PROM1: variants seen among roughly 807,000 people sequenced by gnomAD.
PROM1 encodes the protein prominin 1, also known as prominin-1.
A neutral mutation model predicts 116.9 loss-of-function variants in PROM1; 105 were observed. The observed-to-expected ratio is 0.90, with a 90% CI of 0.77 to 1.06. PROM1 has a LOEUF of 1.06. Ranked by LOEUF, PROM1 falls within the 50% of genes least tolerant of loss-of-function variation. PROM1 has a pLI of 0.00. For missense variants in PROM1, 1,122 were observed against 1,045.2 expected (o/e 1.07, Z -1.01); for synonymous variants, 393 against 387.0 (o/e 1.02, Z -0.18).
At chr4:15,993,516 T>C (rs1045865413) in intron 16 of PROM1, among the ~76,000 whole-genome samples, 2 of 152,160 alleles carry the variant, frequency 1.3e-5, no homozygotes, top group Non-Finnish European at 2.9e-5. Context: ...TTTGCTTTAG[T>C]TCACACTGGA....
intron 2 of PROM1, among the ~76,000 whole-genome samples, chr4:16,066,632 C>A (rs1433548672): frequency 6.6e-6 from 1 of 152,156 alleles, no homozygotes; most frequent in African/African-American, 2.4e-5. Flanking sequence ...TCTGACCTGG[C>A]ACCACCCTGC....
chr4:16,023,741 A>C (rs1222055210), intron 7 of PROM1, among the ~76,000 whole-genome samples: 1 of 152,218 alleles, frequency 6.6e-6, no homozygotes, highest in Non-Finnish European at 1.5e-5. Context: ...TGTTGTGAGC[A>C]TTACGGGATG....
At chr4:16,004,306 C>T (rs1041206882) in intron 13 of PROM1, among the ~76,000 whole-genome samples, 3 of 152,230 alleles carry the variant, frequency 2.0e-5, no homozygotes, top group Admixed American at 6.5e-5. Flanking sequence ...AATCCTATGG[C>T]CTCCATGCCA....
chr4:15,981,163 G>A (rs555470731), intron 23 of PROM1, among the ~76,000 whole-genome samples: 44 of 150,614 alleles, frequency 2.9e-4, no homozygotes, highest in South Asian at 2.5e-3. Flanking sequence ...GGGTTTCACC[G>A]GGTTAGCCAG....
In PROM1 at chr4:15,973,795, C is replaced by T. The variant is rs1243482187; in HGVS notation, c.2583-2713G>A. Among the ~76,000 whole-genome samples the T allele has an allele frequency of 2.6e-5, 4 of 152,102 alleles. No individual in the cohort carries two copies. In the East Asian group the frequency reaches 7.7e-4, roughly 29 times the overall value. On this transcript the variant is annotated intron_variant, in intron 26 of 27. Transcript: ENST00000447510. ...GCCTTTGGGAGAATAGGAGAAATAG[C>T]TCAAATCATAGCTTGGCCCTGGCTA...
intron 1 of PROM1, among the ~76,000 whole-genome samples, chr4:16,078,574 G>C (rs907274882): frequency 1.3e-5 from 2 of 152,188 alleles, no homozygotes; most frequent in African/African-American, 4.8e-5. Context: ...CTTCCTCTCT[G>C]TATTAAGTGT....
At chr4:15,971,286 A>C (rs1714486384) in intron 26 of PROM1, 1 of 543,632 alleles carries the variant, frequency 1.8e-6, no homozygotes, top group Non-Finnish European at 3.3e-6. Context: ...ACAGCATAGA[A>C]GATAAAGAGG....
chr4:16,068,411 T>C (rs1240626970), intron 2 of PROM1, among the ~76,000 whole-genome samples: 1 of 152,216 alleles, frequency 6.6e-6, no homozygotes, highest in Admixed American at 6.5e-5. Flanking sequence ...CCAGTTGCTA[T>C]TGGCATGATA....
At chr4:15,986,409 C>CT (rs369603534) in intron 20 of PROM1, among the ~76,000 whole-genome samples, 78 of 147,434 alleles carry the variant, frequency 5.3e-4, no homozygotes, top group South Asian at 3.7e-3. Flanking sequence ...TTGCACCGAA[C>CT]TTTTTTTTTT....
intron 13 of PROM1, 145 bp downstream of exon 13, chr4:16,006,393 G>A: frequency 1.1e-6 from 1 of 911,930 alleles, no homozygotes; most frequent in Non-Finnish European, 1.6e-6. Context: ...TCCCATCACA[G>A]CAGGATCTCT....
At position 16,061,704 on chromosome 4, in the gene PROM1, T is replaced by C. The variant is rs1055575036; in HGVS notation, c.220+13983A>G. On this transcript the variant is annotated intron_variant, in intron 2 of 27. Transcript: ENST00000447510. Reference sequence around the variant, plus strand: ...ACAAAGTACCACAACGGACTGGCAATGTATTGTCTCACAGTTCTGAAGGCT... The same window carrying C: ...ACAAAGTACCACAACGGACTGGCAACGTATTGTCTCACAGTTCTGAAGGCT... Among the ~76,000 whole-genome samples the C allele has an allele frequency of 7.9e-5, 12 of 152,100 alleles. No homozygotes were observed. The South Asian group carries it at 1.0e-3, about 13-fold the overall frequency.
At chr4:16,040,890 T>C (rs1333239946) in intron 2 of PROM1, among the ~76,000 whole-genome samples, 2 of 152,204 alleles carry the variant, frequency 1.3e-5, no homozygotes, top group Admixed American at 1.3e-4. Context: ...ACTTTTTTTT[T>C]TCCCTTACAA....
At chr4:16,018,682 G>A in intron 8 of PROM1, 142 bp from the exon 9 acceptor site, 3 of 692,054 alleles carry the variant, frequency 4.3e-6, no homozygotes, top group Non-Finnish European at 7.5e-6. Context: ...CAGTCTGAGA[G>A]GGGAATACAG....
intron 26 of PROM1, among the ~76,000 whole-genome samples, chr4:15,972,655 C>G (rs1714886948): frequency 6.6e-6 from 1 of 152,160 alleles, no homozygotes; most frequent in African/African-American, 2.4e-5. Context: ...GTAAGAGAAA[C>G]AAAGGGCCTT....
chr4:16,075,231 C>A (rs1578331385), intron 2 of PROM1, among the ~76,000 whole-genome samples: 1 of 152,272 alleles, frequency 6.6e-6, no homozygotes, highest in East Asian at 1.9e-4. Context: ...TGTCCTTACC[C>A]TAAGCAATGT....
intron 2 of PROM1, among the ~76,000 whole-genome samples, chr4:16,054,842 G>A (rs553042129): frequency 8.5e-5 from 13 of 152,082 alleles, no homozygotes; most frequent in Non-Finnish European, 4.4e-5. Context: ...ATAATGGTCA[G>A]TACTCGAGTT....
Position 16,023,187 on chromosome 4 carries a change from G to C in PROM1, c.784+139C>G, listed in dbSNP as rs1666492193. The stretch of plus-strand genomic sequence containing the variant: ...CCAAGCTATTGCAACACAGTGTCTT[G>C]ACCTGAACTGTCTGCATGGCCACGG... On this transcript the variant is annotated intron_variant, in intron 8 of 27. Transcript: ENST00000447510. 8.3e-6 allele frequency: 6 copies of C among 719,406 alleles called. No homozygotes were observed. In the Admixed American group the frequency reaches 1.2e-4, roughly 15 times the overall value. 44.6% of individuals were successfully genotyped at this position (719,406 alleles called of 1,614,324 possible). A position where few individuals can be genotyped will look rare whatever the true frequency, so the allele number is the denominator to read the frequency against.
chr4:16,036,595 G>A (rs960427680), intron 3 of PROM1, among the ~76,000 whole-genome samples: 2 of 152,192 alleles, frequency 1.3e-5, no homozygotes, highest in African/African-American at 4.8e-5. Flanking sequence ...ACCTCACAGT[G>A]TGTGTTAAAG....
intron 3 of PROM1, among the ~76,000 whole-genome samples, chr4:16,036,044 G>A (rs1733870458): frequency 6.6e-6 from 1 of 152,172 alleles, no homozygotes; most frequent in African/African-American, 2.4e-5. Context: ...ACGCAAAGGA[G>A]AATTAGAGGG....
Sources: gnomAD v4.1 joint callset for allele counts (sites outside exome capture counted in the v4.1 genomes callset) on GRCh38, gnomAD v4.1.1 for gene constraint, MANE v1.5 for transcripts, NCBI Gene and HGNC (gene_info 2026-07-23, HGNC 2026-07-21) for gene names.